Variants in SNAP25 observed in about 807,000 individuals in gnomAD.
The protein encoded by SNAP25 is synaptosome associated protein 25.
Under a neutral mutation model 28.7 loss-of-function variants are expected in SNAP25, and 3 were observed. The observed-to-expected ratio is 0.10, with a 90% CI of 0.05 to 0.27. SNAP25 has a LOEUF of 0.27. Among genes scored for constraint, SNAP25 ranks in the 10% least tolerant of loss-of-function variants. The probability of loss-of-function intolerance (pLI) is 1.00; values close to 1 mark genes in which losing one functional copy is unlikely to be tolerated. For missense variants in SNAP25, 117 were observed against 278.7 expected (o/e 0.42, Z 4.13); for synonymous variants, 61 against 88.1 (o/e 0.69, Z 1.72).
intron 1 of SNAP25, among the ~76,000 whole-genome samples, chr20:10,247,421 C>A (rs975517330): frequency 6.6e-6 from 1 of 152,192 alleles, no homozygotes; most frequent in African/African-American, 2.4e-5. Flanking sequence ...TTCAGTATTC[C>A]CTTTTAGACC....
At chr20:10,223,293 C>T (rs532796459) in intron 1 of SNAP25, among the ~76,000 whole-genome samples, 1 of 152,276 alleles carries the variant, frequency 6.6e-6, no homozygotes, top group East Asian at 1.9e-4. Flanking sequence ...GGTTACTACT[C>T]TCACAGAAGA....
chr20:10,291,240 T>C (rs2063992147), intron 4 of SNAP25, among the ~76,000 whole-genome samples: 1 of 151,792 alleles, frequency 6.6e-6, no homozygotes, highest in Non-Finnish European at 1.5e-5. Flanking sequence ...CGCCCAGAAA[T>C]TTTTTTTGTA....
intron 1 of SNAP25, among the ~76,000 whole-genome samples, chr20:10,232,852 C>A (rs556642878): frequency 3.3e-5 from 5 of 152,302 alleles, no homozygotes; most frequent in African/African-American, 7.2e-5. Flanking sequence ...AGCATTTAAG[C>A]AGAGACCAAA....
chr20:10,236,396 G>A (rs2062921479), intron 1 of SNAP25, among the ~76,000 whole-genome samples: 1 of 150,602 alleles, frequency 6.6e-6, no homozygotes, highest in South Asian at 2.1e-4. Flanking sequence ...CAAACTGGCA[G>A]GGTGGAGCAG....
intron 1 of SNAP25, among the ~76,000 whole-genome samples, chr20:10,245,754 A>G (rs534747348): frequency 3.3e-5 from 5 of 152,208 alleles, no homozygotes; most frequent in Non-Finnish European, 5.9e-5. Flanking sequence ...TGTGTCTTAA[A>G]TGAATCTACA....
At chr20:10,235,164 T>A (rs960677150) in intron 1 of SNAP25, among the ~76,000 whole-genome samples, 2 of 151,838 alleles carry the variant, frequency 1.3e-5, no homozygotes, top group Non-Finnish European at 2.9e-5. Context: ...GCCCACGAGT[T>A]TGAGGTTGCG....
At chr20:10,223,366 G>A (rs1241788820) in intron 1 of SNAP25, among the ~76,000 whole-genome samples, 1 of 152,174 alleles carries the variant, frequency 6.6e-6, no homozygotes, top group Non-Finnish European at 1.5e-5. Flanking sequence ...TTCATGTAGA[G>A]GAAGAAATGG....
intron 1 of SNAP25, among the ~76,000 whole-genome samples, chr20:10,220,519 T>C (rs2062609098): frequency 6.6e-6 from 1 of 152,230 alleles, no homozygotes; most frequent in Non-Finnish European, 1.5e-5. Context: ...AAAGGTCTAC[T>C]GCAATTTCTC....
At chr20:10,267,302 T>C (rs2122941424) in intron 1 of SNAP25, among the ~76,000 whole-genome samples, 1 of 152,226 alleles carries the variant, frequency 6.6e-6, no homozygotes, top group South Asian at 2.1e-4. Context: ...AAATGCCAAG[T>C]AAATAAGTCA....
In SNAP25 at chr20:10,256,067, A is replaced by T. The variant is rs117274004; in HGVS notation, c.-63-19362A>T. On this transcript the variant is annotated intron_variant, in intron 1 of 7. Coordinates refer to ENST00000254976, the MANE Select transcript of SNAP25 (RefSeq NM_130811.4). ...AAAGCTACAAGCTGCTTGCAGACAG[A>T]TTAAAGCCATCTTAGAGAGGATGAG... 4.9e-4 allele frequency among the ~76,000 whole-genome samples: 74 copies of T among 152,378 alleles called. No individual in the cohort carries two copies. In the East Asian group the frequency reaches 0.012, roughly 25 times the overall value.
chr20:10,223,135 A>G (rs1039061993), intron 1 of SNAP25, among the ~76,000 whole-genome samples: 27 of 152,314 alleles, frequency 1.8e-4, no homozygotes, highest in Non-Finnish European at 2.1e-4. Flanking sequence ...AAATGGGAGG[A>G]AAAAGATGGA....
At chr20:10,255,278 C>T (rs3025866) in intron 1 of SNAP25, among the ~76,000 whole-genome samples, 2,148 of 152,302 alleles carry the variant, frequency 0.014, 15 homozygotes, top group Middle Eastern at 0.02. Context: ...ATTGCTTAAA[C>T]GGCCATCAAA....
At chr20:10,224,531 A>C (rs1411162815) in intron 1 of SNAP25, among the ~76,000 whole-genome samples, 1 of 151,940 alleles carries the variant, frequency 6.6e-6, no homozygotes, top group African/African-American at 2.4e-5. Context: ...TCAGTGCTGA[A>C]AACCCCAGGC....
chr20:10,244,703 AATCT>A (rs1478002003), intron 1 of SNAP25, among the ~76,000 whole-genome samples: 1 of 151,910 alleles, frequency 6.6e-6, no homozygotes, highest in Non-Finnish European at 1.5e-5. Context: ...ACATCTGCTA[AATCT>A]TTTTTGTTTC....
chr20:10,266,364 A>T (rs900626347), intron 1 of SNAP25, among the ~76,000 whole-genome samples: 1 of 152,218 alleles, frequency 6.6e-6, no homozygotes, highest in Non-Finnish European at 1.5e-5. Context: ...CCCATTTTTG[A>T]TCATATTCCC....
At chr20:10,244,319 CATATT>C (rs2063089447) in intron 1 of SNAP25, among the ~76,000 whole-genome samples, 1 of 152,172 alleles carries the variant, frequency 6.6e-6, no homozygotes. Context: ...GAAAGAGAGA[CATATT>C]ATAAAACTAA....
intron 1 of SNAP25, among the ~76,000 whole-genome samples, chr20:10,245,170 A>C (rs572192277): frequency 4.6e-5 from 7 of 152,316 alleles, no homozygotes; most frequent in African/African-American, 1.7e-4. Context: ...GCCAGCTGGT[A>C]TTAAGCATTC....
At chr20:10,263,743 A>G (rs1600711317) in intron 1 of SNAP25, among the ~76,000 whole-genome samples, 1 of 152,166 alleles carries the variant, frequency 6.6e-6, no homozygotes, top group African/African-American at 2.4e-5. Context: ...CCCAAACGCA[A>G]AGGTTTCTTG....
intron 1 of SNAP25, among the ~76,000 whole-genome samples, chr20:10,256,092 G>A (rs1400327005): frequency 6.6e-6 from 1 of 152,248 alleles, no homozygotes; most frequent in Non-Finnish European, 1.5e-5. Flanking sequence ...GAGAGGATGA[G>A]CTTTGGGTTG....
Sources: gnomAD v4.1 joint callset for allele counts (sites outside exome capture counted in the v4.1 genomes callset) on GRCh38, gnomAD v4.1.1 for gene constraint, MANE v1.5 for transcripts, NCBI Gene and HGNC (gene_info 2026-07-23, HGNC 2026-07-21) for gene names.